The following DPF3 variants were observed in gnomAD, a reference collection of about 807,000 sequenced individuals.
The protein encoded by DPF3 is double PHD fingers 3.
DPF3 carries 18 observed loss-of-function variants against 56.8 expected under a neutral mutation model. The ratio of observed to expected loss-of-function variants is 0.32; its 90% CI spans 0.22 to 0.47. The LOEUF is 0.47. Among genes scored for constraint, DPF3 ranks in the 20% least tolerant of loss-of-function variants. The pLI is 1.00. For synonymous variants in DPF3, 188 were observed against 180.2 expected, an observed-to-expected ratio of 1.04 and a Z score of -0.35; for missense variants, 403 against 488.8, an observed-to-expected ratio of 0.82 and a Z score of 1.65.
chr14:72,612,384 T>C lies in DPF3; in HGVS notation c.*6913A>G. ...ACCTCCTCTGCTCTGAGATAATCATTCTATATTTTCATGCTCTTGCTCACA... is the reference window on the plus strand; with the variant it reads ...ACCTCCTCTGCTCTGAGATAATCATCCTATATTTTCATGCTCTTGCTCACA... On this transcript the variant is annotated 3_prime_UTR_variant, in exon 11 of 11. Coordinates refer to ENST00000556509, the MANE Select transcript of DPF3 (RefSeq NM_001280542.3). 1 of 490,436 alleles carries C rather than the reference T, an allele frequency of 2.0e-6. No homozygotes were observed. The highest frequency in any genetic ancestry group is 4.1e-6 in the Non-Finnish European group (1 of 245,148). The allele number at this position is 490,436 out of a possible 1,614,324, so 30.4% of individuals were successfully genotyped here.
At chr14:72,698,154 C>T (rs533206187) in intron 6 of DPF3, among the ~76,000 whole-genome samples, 1 of 152,310 alleles carries the variant, frequency 6.6e-6, no homozygotes, top group African/African-American at 2.4e-5. Flanking sequence ...GGACTAATCA[C>T]GTGTCAATAC....
chr14:72,705,517 G>A (rs1599371839), intron 6 of DPF3, among the ~76,000 whole-genome samples: 1 of 152,256 alleles, frequency 6.6e-6, no homozygotes, highest in Middle Eastern at 3.4e-3. Flanking sequence ...CTGGTCCGTG[G>A]AAAAATTTTC....
In DPF3 at chr14:72,836,538, G is replaced by C. The variant is rs368792162; in HGVS notation, c.32+57519C>G. Reference sequence around the variant, plus strand: ...CTCGTGGGGAGATTATGATTGCCCTGTGGTTGCCATGCCTACTGTGATGTC... The same window carrying C: ...CTCGTGGGGAGATTATGATTGCCCTCTGGTTGCCATGCCTACTGTGATGTC... On this transcript the variant is annotated intron_variant, in intron 1 of 10. Transcript: ENST00000556509. The C allele has an allele frequency of 2.4e-4, 238 of 983,598 alleles. No individual in the cohort carries two copies. The South Asian group carries it at 6.1e-3, about 25-fold the overall frequency. 60.9% of individuals were successfully genotyped at this position (983,598 alleles called of 1,614,324 possible).
At chr14:72,765,545 T>C (rs1347513960) in intron 2 of DPF3, among the ~76,000 whole-genome samples, 2 of 152,214 alleles carry the variant, frequency 1.3e-5, no homozygotes, top group Non-Finnish European at 2.9e-5. Context: ...TTAACTGTGA[T>C]ACAGCCATGC....
rs111303434 is a variant in DPF3 at position 72,849,222 on chromosome 14, C to A, written c.32+44835G>T. 2.7e-3 allele frequency among the ~76,000 whole-genome samples: 409 copies of A among 152,326 alleles called. 4 individuals are homozygous for A. Among genetic ancestry groups the A allele is most frequent in the African/African-American group, 9.3e-3 (388 of 41,568 alleles). On this transcript the variant is annotated intron_variant, in intron 1 of 10. Transcript: ENST00000556509. The stretch of plus-strand genomic sequence containing the variant: ...GTTATAAGTTTCAAGGGCTGGACCA[C>A]GTTTTGTGCTTATCTCAATAGACGC...
chr14:72,723,681 C>A lies in DPF3; in HGVS notation c.477G>T (p.Glu159Asp). The change falls in exon 5 of 11, where the codon GAG (glutamate) becomes GAT (aspartate). Residue 159 changes from glutamate to aspartate, a missense_variant. Physicochemically the swap from Glu to Asp is conservative, Grantham distance 45 (BLOSUM62 2). This residue lies in a region of DPF3 where 340 missense variants were observed against 374.3 expected (regional missense o/e 0.91). Coordinates refer to ENST00000556509, the MANE Select transcript of DPF3 (RefSeq NM_001280542.3). ...GCTTGGGAATATCCTCTTCCAAATC[C>A]TCTTCTTCATTCCCTTCTTCTACAT... is the stretch of plus-strand genomic sequence containing the variant. ...DENVEEGNEE[E>D]DLEEDIPKRK... The A allele has an allele frequency of 6.3e-7, 1 of 1,589,108 alleles. No homozygotes were observed. The highest frequency in any genetic ancestry group is 8.5e-7 in the Non-Finnish European group (1 of 1,172,036).
intron 6 of DPF3, among the ~76,000 whole-genome samples, chr14:72,699,572 G>A (rs1004242381): frequency 6.6e-6 from 1 of 150,658 alleles, no homozygotes; most frequent in South Asian, 2.1e-4. Flanking sequence ...TCACACAGGA[G>A]TGAGCAACAT....
At chr14:72,673,955 G>A (rs575993006) in intron 8 of DPF3, 4 of 365,196 alleles carry the variant, frequency 1.1e-5, no homozygotes, top group Non-Finnish European at 1.5e-5. Context: ...ACTCTACCTC[G>A]CTGTGGTCCG....
At chr14:72,673,400 C>T (rs1041450047) in intron 8 of DPF3, among the ~76,000 whole-genome samples, 25 of 152,136 alleles carry the variant, frequency 1.6e-4, no homozygotes, top group Non-Finnish European at 5.9e-5. Flanking sequence ...GTTGAAATTC[C>T]CTCCTCCCTG....
intron 6 of DPF3, among the ~76,000 whole-genome samples, chr14:72,694,282 C>A (rs996677448): frequency 2.0e-5 from 3 of 151,368 alleles, no homozygotes; most frequent in African/African-American, 7.3e-5. Flanking sequence ...CTATGCTTGT[C>A]CCCCAGCCTG....
At chr14:72,807,839 T>C (rs1882856568) in intron 1 of DPF3, among the ~76,000 whole-genome samples, 1 of 152,104 alleles carries the variant, frequency 6.6e-6, no homozygotes, top group Non-Finnish European at 1.5e-5. Flanking sequence ...TGGTGGCACA[T>C]ACATAGTCCT....
At chr14:72,868,107 T>C (rs1211305025) in intron 1 of DPF3, among the ~76,000 whole-genome samples, 4 of 152,210 alleles carry the variant, frequency 2.6e-5, no homozygotes, top group Admixed American at 2.0e-4. Context: ...TATGGATCTT[T>C]TGAGCCCTCA....
intron 1 of DPF3, among the ~76,000 whole-genome samples, chr14:72,840,402 A>G (rs1291330403): frequency 6.6e-6 from 1 of 152,142 alleles, no homozygotes. Flanking sequence ...ATAGCATCAT[A>G]TCACTGATAC....
At chr14:72,709,342 C>A (rs369988170) in intron 6 of DPF3, among the ~76,000 whole-genome samples, 109 of 152,298 alleles carry the variant, frequency 7.2e-4, no homozygotes, top group Non-Finnish European at 1.3e-3. Context: ...TTAGCCATGT[C>A]TATTTGCCTT....
intron 3 of DPF3, among the ~76,000 whole-genome samples, chr14:72,737,635 G>C (rs1367719428): frequency 6.6e-6 from 1 of 152,174 alleles, no homozygotes; most frequent in African/African-American, 2.4e-5. Flanking sequence ...TTCTTCTTTG[G>C]GGAAATATAC....
chr14:72,693,054 A>C (rs1451389316), intron 7 of DPF3, 22 bp downstream of exon 7: 1 of 1,613,748 alleles, frequency 6.2e-7, no homozygotes, highest in East Asian at 2.2e-5. Flanking sequence ...TCACTGCCCC[A>C]ACCTAACAAG....
At chr14:72,619,481 AC>A in intron 10 of DPF3, 114 bp from the exon 11 acceptor site, 1 of 1,212,218 alleles carries the variant, frequency 8.2e-7, no homozygotes, top group Non-Finnish European at 1.2e-6. Flanking sequence ...CAATGCAGAA[AC>A]CAAGTCCCAG....
rs773450437 is a variant in DPF3 at position 72,884,940 on chromosome 14, CTATATA to C, written c.32+9111_32+9116del. On this transcript the variant is annotated intron_variant, in intron 1 of 10. Coordinates refer to ENST00000556509, the MANE Select transcript of DPF3 (RefSeq NM_001280542.3). ...TGAAACCCCGTCTCTACTAAAAATACTATATATATATATATATATATATATATATAT... is the reference window on the plus strand; with the variant it reads ...TGAAACCCCGTCTCTACTAAAAATACTATATATATATATATATATATATAT... Among the ~76,000 whole-genome samples, 175 of 29,614 alleles carry C rather than the reference CTATATA, an allele frequency of 5.9e-3. 27 individuals carry two copies. The highest frequency in any genetic ancestry group is 0.012 in the East Asian group (5 of 424). The allele number at this position is 29,614 out of a possible 152,430, so 19.4% of individuals were successfully genotyped here.
intron 9 of DPF3, among the ~76,000 whole-genome samples, chr14:72,626,009 ACACAGT>A (rs1379685606): frequency 6.6e-6 from 1 of 152,188 alleles, no homozygotes; most frequent in Non-Finnish European, 1.5e-5. Flanking sequence ...GCTTTACAAC[ACACAGT>A]CAAAATACTG....
Sources: allele counts gnomAD v4.1 joint callset (sites outside exome capture counted in the v4.1 genomes callset), GRCh38; gene constraint gnomAD v4.1.1; regional missense constraint gnomAD v4.1.1; transcripts MANE v1.5; gene names NCBI Gene and HGNC (gene_info 2026-07-23, HGNC 2026-07-21).